The following KDM5A variants were observed in gnomAD, a reference collection of about 807,000 sequenced individuals.
KDM5A encodes the protein lysine demethylase 5A.
A neutral mutation model predicts 193.5 loss-of-function variants in KDM5A; 42 were observed. The ratio of observed to expected loss-of-function variants is 0.22; its 90% CI spans 0.17 to 0.28. The LOEUF (loss-of-function observed/expected upper bound fraction) is 0.28, where lower values mean the gene tolerates loss of function less well. KDM5A is among the 10% of genes least tolerant of loss of function. KDM5A has a pLI of 1.00. For synonymous variants in KDM5A, 796 were observed against 718.1 expected, an observed-to-expected ratio of 1.11 and a Z score of -1.73; for missense variants, 1,692 against 2,055.1, an observed-to-expected ratio of 0.82 and a Z score of 3.42.
At chr12:348,832 A>G (rs1944112980) in intron 10 of KDM5A, among the ~76,000 whole-genome samples, 1 of 151,956 alleles carries the variant, frequency 6.6e-6, no homozygotes, top group Admixed American at 6.6e-5. Context: ...GGGTGCAGCA[A>G]ATCAACATGG....
At chr12:372,863 T>C (rs559567778) in intron 3 of KDM5A, among the ~76,000 whole-genome samples, 1 of 152,362 alleles carries the variant, frequency 6.6e-6, no homozygotes, top group African/African-American at 2.4e-5. Flanking sequence ...GTGGTTTTTG[T>C]CTTTGGTTCT....
At chr12:383,964 C>A in intron 3 of KDM5A, 67 bp downstream of exon 3, 1 of 1,520,794 alleles carries the variant, frequency 6.6e-7, no homozygotes, top group South Asian at 1.1e-5. Context: ...TGTTTCCTAC[C>A]AAATCTATTT....
chr12:354,283 A>C lies in KDM5A; in HGVS notation c.871-49T>G, dbSNP rs184481032. On this transcript the variant is annotated intron_variant, in intron 7 of 27. Coordinates refer to ENST00000399788, the MANE Select transcript of KDM5A (RefSeq NM_001042603.3). Reference sequence around the variant, plus strand: ...AGTCTATTTTCTATAATAAATAATAAATTTTTACCAGGAACTCCTTAGCTG... The same window carrying C: ...AGTCTATTTTCTATAATAAATAATACATTTTTACCAGGAACTCCTTAGCTG... The C allele has an allele frequency of 7.5e-6, 10 of 1,340,560 alleles. No individual in the cohort carries two copies. In the East Asian group the frequency reaches 2.3e-4, roughly 31 times the overall value. 83.0% of individuals were successfully genotyped at this position (1,340,560 alleles called of 1,614,324 possible). A position where few individuals can be genotyped will look rare whatever the true frequency, so the allele number is the denominator to read the frequency against.
chr12:344,425 A>C (rs570930644), intron 10 of KDM5A, among the ~76,000 whole-genome samples: 1 of 152,084 alleles, frequency 6.6e-6, no homozygotes, highest in Non-Finnish European at 1.5e-5. Flanking sequence ...ACACCACAAA[A>C]ATACTCCTTG....
chr12:371,284 CCTGA>C (rs1944424523), intron 3 of KDM5A, among the ~76,000 whole-genome samples: 1 of 152,132 alleles, frequency 6.6e-6, no homozygotes, highest in African/African-American at 2.4e-5. Context: ...CCTGTTGTTT[CCTGA>C]CTTTTTAATG....
In KDM5A at chr12:316,494, A is replaced by G. The variant is rs117107171; in HGVS notation, c.2897+1612T>C. On this transcript the variant is annotated intron_variant, in intron 19 of 27. Transcript: ENST00000399788. The stretch of plus-strand genomic sequence containing the variant: ...AATTTGAAAGAGAGATATGAAAGAC[A>G]TGTTGGAGACAGAGTCATCAGAACC... Among the ~76,000 whole-genome samples, 424 of 152,250 alleles carry G rather than the reference A, an allele frequency of 2.8e-3. 12 individuals carry two copies. In the East Asian group the frequency reaches 0.064, roughly 23 times the overall value.
At chr12:318,058 C>A in intron 19 of KDM5A, 48 bp downstream of exon 19, 1 of 1,373,806 alleles carries the variant, frequency 7.3e-7, no homozygotes, top group South Asian at 1.2e-5. Context: ...CCCACTCTAC[C>A]TTCTGACTTA....
At chr12:330,385 G>A (rs1314446139) in intron 13 of KDM5A, among the ~76,000 whole-genome samples, 1 of 151,996 alleles carries the variant, frequency 6.6e-6, no homozygotes, top group African/African-American at 2.4e-5. Context: ...GAGTGTCAAG[G>A]GCTTCCACAC....
intron 24 of KDM5A, among the ~76,000 whole-genome samples, chr12:305,821 T>A (rs1487202639): frequency 1.3e-5 from 2 of 152,208 alleles, no homozygotes. Context: ...ATAATCACAT[T>A]GATGGTAAAT....
intron 3 of KDM5A, among the ~76,000 whole-genome samples, chr12:372,776 A>C (rs1944446352): frequency 6.6e-6 from 1 of 152,110 alleles, no homozygotes; most frequent in South Asian, 2.1e-4. Context: ...ATCAATACCT[A>C]ATTTATTGAG....
At chr12:308,036 G>T in intron 22 of KDM5A, 31 bp from the exon 23 acceptor site, 4 of 1,602,918 alleles carry the variant, frequency 2.5e-6, no homozygotes, top group Non-Finnish European at 3.4e-6. Context: ...ATTGAAAAGA[G>T]TCACTGCAAT....
rs1943157141 is a variant in KDM5A at position 281,843 on chromosome 12, G to A, written c.*3613C>T. 1 of 266,252 alleles carries A rather than the reference G, an allele frequency of 3.8e-6. No homozygotes were observed. The highest frequency in any genetic ancestry group is 7.4e-6 in the Non-Finnish European group (1 of 135,416). 16.5% of individuals were successfully genotyped at this position (266,252 alleles called of 1,614,324 possible). A position where few individuals can be genotyped will look rare whatever the true frequency, so the allele number is the denominator to read the frequency against. ...TACTACAGAATTAAAATACTGACAA[G>A]CAAGTAGTTTCTTGGCGTGCACGAA... is the stretch of plus-strand genomic sequence containing the variant. On this transcript the variant is annotated 3_prime_UTR_variant, in exon 28 of 28. Transcript: ENST00000399788.
intron 26 of KDM5A, 69 bp from the exon 27 acceptor site, chr12:293,238 T>TA (rs1943323145): frequency 2.3e-6 from 3 of 1,326,062 alleles, no homozygotes; most frequent in Non-Finnish European, 3.2e-6. Context: ...CTCTCTTATA[T>TA]GAGGTACCTA....
intron 26 of KDM5A, among the ~76,000 whole-genome samples, chr12:293,703 C>T (rs1054473992): frequency 3.6e-5 from 5 of 137,916 alleles, no homozygotes; most frequent in Admixed American, 7.8e-5. Context: ...GGCTTGATCC[C>T]GGGAGGCGGA....
At chr12:373,556 G>A in intron 3 of KDM5A, among the ~76,000 whole-genome samples, 1 of 152,080 alleles carries the variant, frequency 6.6e-6, no homozygotes, top group Non-Finnish European at 1.5e-5. Context: ...ATTTTTTGAA[G>A]GGTTTTTTGT....
At chr12:301,567 A>T (rs1440955751) in intron 24 of KDM5A, among the ~76,000 whole-genome samples, 4 of 152,228 alleles carry the variant, frequency 2.6e-5, no homozygotes, top group African/African-American at 9.6e-5. Flanking sequence ...CCCACAGCCA[A>T]TATCATACTG....
chr12:383,980 T>G, intron 3 of KDM5A, 51 bp downstream of exon 3: 1 of 1,579,922 alleles, frequency 6.3e-7, no homozygotes, highest in Non-Finnish European at 8.7e-7. Flanking sequence ...TATTTGATAT[T>G]CCTAAATTCA....
intron 24 of KDM5A, 80 bp from the exon 25 acceptor site, chr12:297,280 C>G: frequency 8.4e-7 from 1 of 1,183,696 alleles, no homozygotes; most frequent in African/African-American, 1.5e-5. Flanking sequence ...TGGAGGCTTT[C>G]AGGTTAAAGC....
rs775853227 is a variant in KDM5A, at chr12:322,422, T to C, written c.2421A>G (p.Lys807=). ...TAAACTCTTCTTAGGTTTACCTGTGTTTCTGCTTTTTGCTCAGAAGCAGCT... is the reference window on the plus strand; with the variant it reads ...TAAACTCTTCTTAGGTTTACCTGTGCTTCTGCTTTTTGCTCAGAAGCAGCT... ...VAQLLLSKKQ[K]HRQSPDSGRT... Residue 807 remains lysine (K), a synonymous_variant, in exon 17 of 28, where the codon AAA becomes AAG. Coordinates refer to ENST00000399788, the MANE Select transcript of KDM5A (RefSeq NM_001042603.3). The C allele has an allele frequency of 6.2e-7, 1 of 1,612,070 alleles. No individual in the cohort carries two copies. The highest frequency in any genetic ancestry group is 2.2e-5 in the East Asian group (1 of 44,886).
Sources: allele counts gnomAD v4.1 joint callset (sites outside exome capture counted in the v4.1 genomes callset), GRCh38; gene constraint gnomAD v4.1.1; transcripts MANE v1.5; gene names NCBI Gene and HGNC (gene_info 2026-07-23, HGNC 2026-07-21).